COL12A1: variants seen among roughly 807,000 people sequenced by gnomAD.
The protein encoded by COL12A1 is collagen type XII alpha 1 chain.
A neutral mutation model predicts 349.7 loss-of-function variants in COL12A1; 114 were observed. The observed-to-expected ratio is 0.33, with a 90% CI of 0.28 to 0.38. The LOEUF is 0.38. COL12A1 is among the 10% of genes least tolerant of loss of function. COL12A1 has a pLI of 1.00. For synonymous variants in COL12A1, 1,369 were observed against 1,329.0 expected, an observed-to-expected ratio of 1.03 and a Z score of -0.66; for missense variants, 3,284 against 3,756.9, an observed-to-expected ratio of 0.87 and a Z score of 3.29.
chr6:75,084,645 AT>A lies in COL12A1; in HGVS notation c.*1901del, dbSNP rs1767391676. 1 of 153,354 alleles carries A rather than the reference AT, an allele frequency of 6.5e-6. No individual in the cohort carries two copies. Among genetic ancestry groups the A allele is most frequent in the Admixed American group, 6.5e-5 (1 of 15,436 alleles). The allele number at this position is 153,354 out of a possible 1,614,324, so 9.5% of individuals were successfully genotyped here. On this transcript the variant is annotated 3_prime_UTR_variant, in exon 66 of 66. Coordinates refer to ENST00000322507, the MANE Select transcript of COL12A1 (RefSeq NM_004370.6). Reference sequence around the variant, plus strand: ...CCGTTGATGCACTAACTTCATCTACATGGCTTAAGGTTTGTGGTTGTTAAAG... The same window carrying A: ...CCGTTGATGCACTAACTTCATCTACAGGCTTAAGGTTTGTGGTTGTTAAAG...
At chr6:75,095,831 T>G (rs972603869) in intron 59 of COL12A1, among the ~76,000 whole-genome samples, 4 of 150,962 alleles carry the variant, frequency 2.6e-5, no homozygotes, top group Non-Finnish European at 5.9e-5. Flanking sequence ...AGCAATTCCC[T>G]TTTTTTTTAA....
chr6:75,151,246 T>C lies in COL12A1; in HGVS notation c.4042A>G (p.Thr1348Ala), dbSNP rs1335085130. 5 of 1,613,378 alleles carry C rather than the reference T, an allele frequency of 3.1e-6. No individual in the cohort carries two copies. The highest frequency in any genetic ancestry group is 4.2e-6 in the Non-Finnish European group (5 of 1,179,494). The stretch of plus-strand genomic sequence containing the variant: ...TATGCATGGGTATCATCAGGATCAG[T>C]TGCAATCATCTTTAATTCGACTTCA... ...ADEVELKMIATDPDDTHAYNV... is the reference protein window; with the variant it reads ...ADEVELKMIAADPDDTHAYNV... Residue 1348 changes from threonine to alanine, a missense_variant, in exon 21 of 66, where the codon ACT (threonine) becomes GCT (alanine). Around this residue, in one of 2 missense-constraint regions of COL12A1, gnomAD observed 2,601 missense variants for 2,824.8 expected, o/e 0.92. Coordinates refer to ENST00000322507, the MANE Select transcript of COL12A1 (RefSeq NM_004370.6).
intron 51 of COL12A1, among the ~76,000 whole-genome samples, chr6:75,111,400 G>A (rs1314052344): frequency 6.6e-6 from 1 of 151,736 alleles, no homozygotes; most frequent in East Asian, 1.9e-4. Flanking sequence ...AAAAAAAATT[G>A]TCTGATTTGC....
chr6:75,104,700 G>T (rs1337941520), intron 54 of COL12A1, among the ~76,000 whole-genome samples: 1 of 152,136 alleles, frequency 6.6e-6, no homozygotes, highest in East Asian at 1.9e-4. Flanking sequence ...TCTGGTCATA[G>T]TCTTCTCACT....
intron 44 of COL12A1, among the ~76,000 whole-genome samples, 159 bp from the exon 45 acceptor site, chr6:75,119,632 C>T (rs1041341415): frequency 6.6e-6 from 1 of 152,112 alleles, no homozygotes; most frequent in South Asian, 2.1e-4. Context: ...ATTACAACAT[C>T]TACTGCACTT....
At chr6:75,130,824 T>C (rs755431103) in intron 36 of COL12A1, 28 bp downstream of exon 36, 10 of 1,613,420 alleles carry the variant, frequency 6.2e-6, no homozygotes, top group Non-Finnish European at 8.5e-6. Flanking sequence ...TACAAGGGAA[T>C]GGAATGGAGA....
At chr6:75,148,571 A>T in intron 21 of COL12A1, 74 bp from the exon 22 acceptor site, 2 of 1,305,760 alleles carry the variant, frequency 1.5e-6, no homozygotes, top group Non-Finnish European at 2.2e-6. Context: ...ATGACATTGA[A>T]ACAATATTAT....
In COL12A1 at chr6:75,183,784, A is replaced by G. The variant is rs2149466833; in HGVS notation, c.1288+70T>C. 2.5e-6 allele frequency: 4 copies of G among 1,571,776 alleles called. No homozygotes were observed. The East Asian group carries it at 9.0e-5, about 35-fold the overall frequency. ...AAATATTTCATTCAAAACTAAGTCC[A>G]AACAAGTAAGGCATTCTGTCAAACA... On this transcript the variant is annotated intron_variant, in intron 9 of 65. Coordinates refer to ENST00000322507, the MANE Select transcript of COL12A1 (RefSeq NM_004370.6).
rs568986269 is a variant in COL12A1, at chr6:75,125,145, T to C, written c.6589A>G (p.Thr2197Ala). ...GACTCACATGTAGTGCCTTGATCTG[T>C]CAAGGGGACACTGAGTCCAGAATCA... is the stretch of plus-strand genomic sequence containing the variant. ...QYDSGLSVPL[T>A]DQGTTLYLNV... The change falls in exon 40 of 66, where the codon ACA becomes GCA. Residue 2197 changes from threonine to alanine, a missense_variant. Thr to Ala is a moderately conservative substitution (Grantham distance 58, BLOSUM62 0). Coordinates refer to ENST00000322507, the MANE Select transcript of COL12A1 (RefSeq NM_004370.6). The C allele has an allele frequency of 3.7e-6, 6 of 1,610,714 alleles. No homozygotes were observed. In the East Asian group the frequency reaches 8.9e-5, roughly 24 times the overall value.
intron 8 of COL12A1, among the ~76,000 whole-genome samples, chr6:75,186,979 G>T (rs1476051705): frequency 1.3e-5 from 2 of 151,894 alleles, no homozygotes; most frequent in Non-Finnish European, 1.5e-5. Flanking sequence ...GAGGGTTGAA[G>T]GTAGGAGGAG....
chr6:75,205,069 A>C (rs1169626906), intron 1 of COL12A1, among the ~76,000 whole-genome samples: 2 of 151,808 alleles, frequency 1.3e-5, no homozygotes, highest in Non-Finnish European at 2.9e-5. Flanking sequence ...CCACAAGTCT[A>C]GGATCTGAGT....
Position 75,097,250 on chromosome 6 carries a change from T to C in COL12A1, c.8577+3A>G, listed in dbSNP as rs974657164. 1.2e-6 allele frequency: 2 copies of C among 1,613,606 alleles called. No individual in the cohort carries two copies. Among genetic ancestry groups the C allele is most frequent in the Non-Finnish European group, 1.7e-6 (2 of 1,179,636 alleles). ...ACAAAAATGAGACACATTTAGTTCT[T>C]ACCGGCGGCCCTGGTGGGCCCCTGG... On this transcript the variant is annotated splice_donor_region_variant and intron_variant, in intron 59 of 65. Transcript: ENST00000322507.
chr6:75,089,817 G>T (rs528354960), intron 63 of COL12A1, among the ~76,000 whole-genome samples: 1 of 152,326 alleles, frequency 6.6e-6, no homozygotes, highest in African/African-American at 2.4e-5. Flanking sequence ...GTCACAGAGA[G>T]TAATAAGATT....
chr6:75,117,416 A>T lies in COL12A1; in HGVS notation c.7485T>A (p.Asn2495Lys), dbSNP rs777688811. ...CAGTTTCACAAACAAATGTAATAAG[A>T]TTGTCTTCGATCTTCTCAAAAGATT... is the stretch of plus-strand genomic sequence containing the variant. ...DFESFEKIED[N>K]LITFVCETAT... The change falls in exon 47 of 66, where the codon AAT becomes AAA. Residue 2495 changes from asparagine (N) to lysine (K), a missense_variant. Coordinates refer to ENST00000322507, the MANE Select transcript of COL12A1 (RefSeq NM_004370.6). The T allele has an allele frequency of 6.8e-6, 11 of 1,613,492 alleles. No homozygotes were observed. The highest frequency in any genetic ancestry group is 1.3e-5 in the African/African-American group (1 of 74,878).
intron 14 of COL12A1, 58 bp from the exon 15 acceptor site, chr6:75,156,581 C>T (rs1235024641): frequency 1.3e-6 from 2 of 1,504,928 alleles, no homozygotes; most frequent in African/African-American, 2.8e-5. Context: ...TGTATGTCCA[C>T]CTCTTCATTT....
intron 11 of COL12A1, 139 bp downstream of exon 11, chr6:75,180,800 G>T: frequency 3.0e-6 from 3 of 997,208 alleles, no homozygotes; most frequent in Non-Finnish European, 4.2e-6. Flanking sequence ...TTTATGAAAA[G>T]CTGTCTTTTA....
intron 43 of COL12A1, 66 bp from the exon 44 acceptor site, chr6:75,121,507 T>C (rs951755058): frequency 6.2e-6 from 9 of 1,455,908 alleles, no homozygotes; most frequent in Non-Finnish European, 7.3e-6. Flanking sequence ...TGAAATCACA[T>C]AATTGAAAAT....
chr6:75,164,093 A>C (rs1768158936), intron 14 of COL12A1, among the ~76,000 whole-genome samples: 1 of 152,212 alleles, frequency 6.6e-6, no homozygotes. Flanking sequence ...CTTAAACTAC[A>C]TCAGCCAATA....
intron 28 of COL12A1, 60 bp downstream of exon 28, chr6:75,138,762 C>T: frequency 6.2e-7 from 1 of 1,603,474 alleles, no homozygotes; most frequent in Non-Finnish European, 8.5e-7. Context: ...TTGAACTAAG[C>T]TTCCCTACAA....
Sources: allele counts gnomAD v4.1 joint callset (sites outside exome capture counted in the v4.1 genomes callset), GRCh38; gene constraint gnomAD v4.1.1; regional missense constraint gnomAD v4.1.1; transcripts MANE v1.5; gene names NCBI Gene and HGNC (gene_info 2026-07-23, HGNC 2026-07-21).